MYB: variants seen among roughly 807,000 people sequenced by gnomAD.
MYB encodes MYB proto-oncogene, transcription factor.
Under a neutral mutation model 92.9 loss-of-function variants are expected in MYB, and 28 were observed. That is an observed-to-expected ratio of 0.30 (90% CI 0.22 to 0.41). The LOEUF is 0.41. Among genes scored for constraint, MYB ranks in the 10% least tolerant of loss-of-function variants. The probability of loss-of-function intolerance (pLI) is 1.00; values close to 1 mark genes in which losing one functional copy is unlikely to be tolerated. For missense variants in MYB, 679 were observed against 929.3 expected, an observed-to-expected ratio of 0.73 and a Z score of 3.50; for synonymous variants, 295 against 329.1, an observed-to-expected ratio of 0.90 and a Z score of 1.12.
intron 15 of MYB, among the ~76,000 whole-genome samples, chr6:135,216,328 T>A (rs1036573406): frequency 1.8e-4 from 27 of 152,232 alleles, no homozygotes; most frequent in Non-Finnish European, 3.2e-4. Context: ...TAATTTTTTT[T>A]ATTATTTGTA....
At chr6:135,201,336 G>A (rs1778060863) in intron 13 of MYB, among the ~76,000 whole-genome samples, 1 of 152,134 alleles carries the variant, frequency 6.6e-6, no homozygotes. Flanking sequence ...ATCCTTGACG[G>A]ATACAACACT....
Position 135,218,270 on chromosome 6 carries a change from T to TTAGA in MYB, c.*292_*293insGATA. ...TTTTTTAAAAAAAACATAAAATGAT[T>TTAGA]TATCTGTATTTTAAAGGATCCAACA... On this transcript the variant is annotated 3_prime_UTR_variant, in exon 16 of 16. Coordinates refer to ENST00000341911, the MANE Select transcript of MYB (RefSeq NM_001130173.2). 1 of 337,488 alleles carries TTAGA rather than the reference T, an allele frequency of 3.0e-6. No homozygotes were observed. The highest frequency in any genetic ancestry group is 6.1e-5 in the East Asian group (1 of 16,406). 20.9% of individuals were successfully genotyped at this position (337,488 alleles called of 1,614,324 possible). A position where few individuals can be genotyped will look rare whatever the true frequency, so the allele number is the denominator to read the frequency against.
At chr6:135,206,205 CAA>C (rs67836018) in intron 15 of MYB, among the ~76,000 whole-genome samples, 10 of 87,352 alleles carry the variant, frequency 1.1e-4, no homozygotes, top group East Asian at 7.3e-4. Flanking sequence ...GACTCCATCT[CAA>C]AAAAAAAAAA....
In MYB at chr6:135,189,747, T is replaced by C. The variant is rs200562512; in HGVS notation, c.214-44T>C. ...TATTACAACAAAAAATTCACGTGCT[T>C]ATCACATCATATCTTTATGGTGGTG... is the stretch of plus-strand genomic sequence containing the variant. On this transcript the variant is annotated intron_variant, in intron 3 of 15. Transcript: ENST00000341911. The C allele has an allele frequency of 4.4e-5, 67 of 1,530,202 alleles. No homozygotes were observed. The African/African-American group carries it at 9.2e-4, about 21-fold the overall frequency. 94.8% of individuals were successfully genotyped at this position (1,530,202 alleles called of 1,614,324 possible). A position where few individuals can be genotyped will look rare whatever the true frequency, so the allele number is the denominator to read the frequency against.
chr6:135,181,595 C>T lies in MYB; in HGVS notation c.23+59C>T, dbSNP rs1300197353. The T allele has an allele frequency of 3.6e-6, 4 of 1,097,434 alleles. No homozygotes were observed. The African/African-American group carries it at 6.6e-5, about 18-fold the overall frequency. 68.0% of individuals were successfully genotyped at this position (1,097,434 alleles called of 1,614,324 possible). A position where few individuals can be genotyped will look rare whatever the true frequency, so the allele number is the denominator to read the frequency against. On this transcript the variant is annotated intron_variant, in intron 1 of 15. Coordinates refer to ENST00000341911, the MANE Select transcript of MYB (RefSeq NM_001130173.2). This position sits in a 1 kb window ranked among gnomAD's most constrained non-coding sequence, Gnocchi z 5.3. Reference sequence around the variant, plus strand: ...GGGCGCGCGGGGGCGCGCGGGGCGCCAGGCTCCCGGGAGCAGGTGGGAATT... The same window carrying T: ...GGGCGCGCGGGGGCGCGCGGGGCGCTAGGCTCCCGGGAGCAGGTGGGAATT...
intron 6 of MYB, among the ~76,000 whole-genome samples, chr6:135,192,764 G>A (rs904510486): frequency 2.9e-4 from 44 of 152,186 alleles, no homozygotes; most frequent in African/African-American, 9.2e-4. Flanking sequence ...GATGGTAAGC[G>A]CTTTGCCCAG....
intron 1 of MYB, among the ~76,000 whole-genome samples, chr6:135,185,152 G>T (rs929554149): frequency 1.3e-5 from 2 of 152,114 alleles, no homozygotes; most frequent in South Asian, 2.1e-4. Context: ...GAGTAAGTAA[G>T]ACTCTGACTA....
At position 135,192,522 on chromosome 6, in the gene MYB, C is replaced by T. The variant is rs764550305; in HGVS notation, c.726C>T (p.Asn242=). 35 of 1,614,110 alleles carry T rather than the reference C, an allele frequency of 2.2e-5. No homozygotes were observed. Among genetic ancestry groups the T allele is most frequent in the Admixed American group, 5.0e-5 (3 of 60,012 alleles). The change falls in exon 6 of 16, where the codon AAC becomes AAT. Residue 242 remains asparagine, a synonymous_variant. Transcript: ENST00000341911. ...LPATGQPTVN[N]DYSYYHISEA... ...CCACTGGCCAGCCCACTGTTAACAA[C>T]GACTATTCCTATTACCACATTTCTG...
At chr6:135,216,428 T>A (rs1463013500) in intron 15 of MYB, among the ~76,000 whole-genome samples, 1 of 152,232 alleles carries the variant, frequency 6.6e-6, no homozygotes, top group East Asian at 1.9e-4. Flanking sequence ...ATCGTTGGAA[T>A]AATGTACATT....
intron 3 of MYB, 142 bp from the exon 4 acceptor site, chr6:135,189,649 G>A (rs1023465689): frequency 3.1e-6 from 2 of 640,756 alleles, no homozygotes; most frequent in African/African-American, 3.6e-5. Flanking sequence ...AAGTAATGAG[G>A]GATAGATGGG....
chr6:135,203,990 T>A (rs1778504405), intron 15 of MYB: 1 of 842,482 alleles, frequency 1.2e-6, no homozygotes, highest in African/African-American at 1.8e-5. Context: ...CCTAAATTAT[T>A]TAAAGCAGTT....
At chr6:135,187,763 C>T in intron 2 of MYB, 71 bp from the exon 3 acceptor site, 1 of 981,890 alleles carries the variant, frequency 1.0e-6, no homozygotes, top group Non-Finnish European at 1.5e-6. Context: ...TTCGTTCCCT[C>T]ATTCACTTTA....
intron 15 of MYB, among the ~76,000 whole-genome samples, chr6:135,210,423 CATT>C (rs1779548791): frequency 6.6e-6 from 1 of 152,176 alleles, no homozygotes; most frequent in Admixed American, 6.5e-5. Flanking sequence ...TTTCTCCAGC[CATT>C]ATTATTTAAA....
intron 11 of MYB, 84 bp from the exon 12 acceptor site, chr6:135,200,001 G>T: frequency 9.5e-7 from 1 of 1,049,300 alleles, no homozygotes. Context: ...TGTATTCAGT[G>T]GAAAAATGTT....
At chr6:135,196,641 A>T in intron 9 of MYB, 1 of 861,144 alleles carries the variant, frequency 1.2e-6, no homozygotes, top group Non-Finnish European at 1.7e-6. Flanking sequence ...AAAATCATTT[A>T]TTGCACACTC....
intron 7 of MYB, 134 bp downstream of exon 7, chr6:135,194,052 G>C: frequency 1.4e-6 from 1 of 698,052 alleles, no homozygotes; most frequent in Non-Finnish European, 2.4e-6. Context: ...GCAGAGTCTT[G>C]GCCAGCAATC....
rs570710578 is a variant in MYB at position 135,204,356 on chromosome 6, T to C, written c.2169+1032T>C. Among the ~76,000 whole-genome samples, 31 of 152,300 alleles carry C rather than the reference T, an allele frequency of 2.0e-4. No individual in the cohort carries two copies. The South Asian group carries it at 5.8e-3, about 29-fold the overall frequency. ...CCCGGTGGCCCAGGCTGGAGTGTAG[T>C]GGGGTGATCTCGGCTCACTGCAACC... On this transcript the variant is annotated intron_variant, in intron 15 of 15. Coordinates refer to ENST00000341911, the MANE Select transcript of MYB (RefSeq NM_001130173.2).
intron 8 of MYB, 100 bp from the exon 9 acceptor site, chr6:135,195,648 T>C (rs1413487283): frequency 2.7e-5 from 37 of 1,348,060 alleles, no homozygotes; most frequent in Non-Finnish European, 1.0e-6. Flanking sequence ...CTCTTATCTT[T>C]CCTCCAACAG....
At chr6:135,195,640 C>CG in intron 8 of MYB, 108 bp from the exon 9 acceptor site, 1 of 1,292,946 alleles carries the variant, frequency 7.7e-7, no homozygotes, top group Non-Finnish European at 1.1e-6. Context: ...TGCAACTACT[C>CG]TTATCTTTCC....
Sources: allele counts gnomAD v4.1 joint callset (sites outside exome capture counted in the v4.1 genomes callset), GRCh38; gene constraint gnomAD v4.1.1; non-coding constraint Gnocchi (gnomAD v3.1); transcripts MANE v1.5; gene names NCBI Gene and HGNC (gene_info 2026-07-23, HGNC 2026-07-21).